LDLRAD4: variants seen among roughly 807,000 people sequenced by gnomAD.
The protein encoded by LDLRAD4 is low density lipoprotein receptor class A domain containing 4.
LDLRAD4 carries 5 observed loss-of-function variants against 17.0 expected under a neutral mutation model. That is an observed-to-expected ratio of 0.29 (90% CI 0.15 to 0.62). LDLRAD4 has a LOEUF of 0.62. Among genes scored for constraint, LDLRAD4 ranks in the 20% least tolerant of loss-of-function variants. LDLRAD4 has a pLI of 0.84. For synonymous variants in LDLRAD4, 168 were observed against 171.8 expected (o/e 0.98, Z 0.17); for missense variants, 340 against 424.7 (o/e 0.80, Z 1.75).
rs148941220 is a variant in LDLRAD4 at position 13,594,412 on chromosome 18, C to T, written c.182-26705C>T. On this transcript the variant is annotated intron_variant, in intron 3 of 5. Transcript: ENST00000359446. Reference sequence around the variant, plus strand: ...TAATGCTGAAATACTAGTGAGGGGTCGGGTGTGGTAACGCTTGCCTGAAAT... The same window carrying T: ...TAATGCTGAAATACTAGTGAGGGGTTGGGTGTGGTAACGCTTGCCTGAAAT... Among the ~76,000 whole-genome samples the T allele has an allele frequency of 3.3e-5, 5 of 152,024 alleles. No individual in the cohort carries two copies. In the East Asian group the frequency reaches 5.8e-4, roughly 18 times the overall value.
chr18:13,412,537 C>T lies in LDLRAD4; in HGVS notation c.40+24775C>T, dbSNP rs548506156. Among the ~76,000 whole-genome samples, 41 of 152,208 alleles carry T rather than the reference C, an allele frequency of 2.7e-4. No homozygotes were observed. In the South Asian group the frequency reaches 8.3e-3, roughly 31 times the overall value. ...TCTCATCCATTCATATGATATTGAT[C>T]AAGTGCCTATTATGGACTAGGTACA... On this transcript the variant is annotated intron_variant, in intron 2 of 5. Transcript: ENST00000359446.
At chr18:13,469,471 T>C (rs567886937) in intron 3 of LDLRAD4, among the ~76,000 whole-genome samples, 49 of 151,838 alleles carry the variant, frequency 3.2e-4, no homozygotes, top group African/African-American at 1.1e-3. Context: ...GGCCAGAGAG[T>C]GGAAATAACT....
upstream of LDLRAD4, chr18:13,218,684 C>G (rs2041278973): frequency 6.6e-6 from 1 of 152,254 alleles, no homozygotes; most frequent in Admixed American, 6.5e-5. Context: ...CCCGGCGTCC[C>G]CCCGGGTCCC....
exon 3 of LDLRAD4, chr18:13,438,307 A>G: frequency 6.2e-7 from 1 of 1,614,070 alleles, no homozygotes; most frequent in Non-Finnish European, 8.5e-7. Context: ...TGTAACCAAC[A>G]GAACGACTGT....
chr18:13,601,653 G>GA (rs71174174), intron 3 of LDLRAD4, among the ~76,000 whole-genome samples: 55,772 of 124,124 alleles, frequency 0.45, 12,240 homozygotes, highest in East Asian at 0.67. Flanking sequence ...GACTCTGTCT[G>GA]AAAAAAAAAA....
At chr18:13,387,440 C>G (rs992334284) in exon 2 of LDLRAD4, 1 of 369,516 alleles carries the variant, frequency 2.7e-6, no homozygotes, top group East Asian at 5.9e-5. Context: ...CAGGGGCGCC[C>G]GTGTTCTGAG....
In LDLRAD4 at chr18:13,411,768, G is replaced by A. The variant is rs2088390474; in HGVS notation, c.40+24006G>A. 2.6e-5 allele frequency among the ~76,000 whole-genome samples: 4 copies of A among 152,224 alleles called. No homozygotes were observed. In the South Asian group the frequency reaches 8.3e-4, roughly 32 times the overall value. ...AGTCCCTGTTATGTCTTTATTAGCA[G>A]TGTGAGAACAGAATAATACAGATAC... On this transcript the variant is annotated intron_variant, in intron 2 of 5. Transcript: ENST00000359446.
At chr18:13,374,727 A>G (rs1270342845) in intron 1 of LDLRAD4, among the ~76,000 whole-genome samples, 1 of 152,152 alleles carries the variant, frequency 6.6e-6, no homozygotes, top group African/African-American at 2.4e-5. Flanking sequence ...GTGCTCTGAA[A>G]TGGTCATCCC....
intron 3 of LDLRAD4, among the ~76,000 whole-genome samples, chr18:13,501,445 G>C (rs151141426): frequency 6.6e-6 from 1 of 152,152 alleles, no homozygotes. Context: ...ACCTGCCGAC[G>C]GCTGCATGGC....
At chr18:13,308,879 T>C (rs1220257041) in intron 1 of LDLRAD4, among the ~76,000 whole-genome samples, 7 of 152,262 alleles carry the variant, frequency 4.6e-5, no homozygotes, top group African/African-American at 1.7e-4. Context: ...TTTTGATGTT[T>C]ATGTGGTCAT....
intron 3 of LDLRAD4, among the ~76,000 whole-genome samples, chr18:13,446,686 G>T (rs550165116): frequency 6.6e-6 from 1 of 152,366 alleles, no homozygotes; most frequent in East Asian, 1.9e-4. Context: ...GATGACAGCT[G>T]CCCTGGGGAG....
At chr18:13,531,967 A>C (rs1328095611) in intron 3 of LDLRAD4, among the ~76,000 whole-genome samples, 1 of 151,906 alleles carries the variant, frequency 6.6e-6, no homozygotes, top group Non-Finnish European at 1.5e-5. Context: ...TGCTGTGTGG[A>C]GTGTGATTTT....
chr18:13,471,222 T>C (rs1216060385), intron 3 of LDLRAD4: 1 of 152,146 alleles, frequency 6.6e-6, no homozygotes. Context: ...TCTGAATAGA[T>C]ACCTGAGAGT....
At chr18:13,498,232 A>G (rs1415257665) in intron 3 of LDLRAD4, among the ~76,000 whole-genome samples, 1 of 105,154 alleles carries the variant, frequency 9.5e-6, no homozygotes, top group East Asian at 3.0e-4. Context: ...ATCCTTCTCC[A>G]CACACACGTC....
At chr18:13,517,461 C>T (rs2093884555) in intron 3 of LDLRAD4, among the ~76,000 whole-genome samples, 1 of 152,184 alleles carries the variant, frequency 6.6e-6, no homozygotes, top group Admixed American at 6.5e-5. Flanking sequence ...CCTGGTTGCC[C>T]ATGGGTTATG....
chr18:13,570,957 T>C (rs1166570392), intron 3 of LDLRAD4, among the ~76,000 whole-genome samples: 3 of 152,314 alleles, frequency 2.0e-5, no homozygotes, highest in East Asian at 3.9e-4. Context: ...TAGCTGGGAC[T>C]ACAGGCGCAT....
chr18:13,572,655 A>G (rs1418771724), intron 3 of LDLRAD4, among the ~76,000 whole-genome samples: 6 of 152,192 alleles, frequency 3.9e-5, no homozygotes. Context: ...AATTCCCATC[A>G]TGCTTCTGAG....
Position 13,621,959 on chromosome 18 carries a change from T to C in LDLRAD4, c.336+688T>C, listed in dbSNP as rs1601767686. 6.6e-6 allele frequency among the ~76,000 whole-genome samples: 1 copy of C among 152,146 alleles called. No individual in the cohort carries two copies. The highest frequency in any genetic ancestry group is 6.5e-5 in the Admixed American group (1 of 15,272). ...CAGGGGCTGCTGTCCCAAGCCTGTT[T>C]TACAGGCTGTGGTTTTGATGGCTTC... is the stretch of plus-strand genomic sequence containing the variant. On this transcript the variant is annotated intron_variant, in intron 4 of 5. Transcript: ENST00000359446. The surrounding 1 kb of genome is among the most constrained non-coding windows in gnomAD (Gnocchi z 5.5).
At chr18:13,264,135 A>C (rs2044077326) in intron 1 of LDLRAD4, among the ~76,000 whole-genome samples, 1 of 152,088 alleles carries the variant, frequency 6.6e-6, no homozygotes, top group Admixed American at 6.6e-5. Context: ...TTCCAGGCCC[A>C]GAGTTGAGCA....
Sources: gnomAD v4.1 joint callset for allele counts (sites outside exome capture counted in the v4.1 genomes callset) on GRCh38, gnomAD v4.1.1 for gene constraint, Gnocchi (gnomAD v3.1) non-coding constraint, MANE v1.5 for transcripts, NCBI Gene and HGNC (gene_info 2026-07-23, HGNC 2026-07-21) for gene names.